The following LPP variants were observed in gnomAD, a reference collection of about 807,000 sequenced individuals.
The protein encoded by LPP is lipoma-preferred partner.
Under a neutral mutation model 60.4 loss-of-function variants are expected in LPP, and 38 were observed. The observed-to-expected ratio is 0.63, with a 90% confidence interval of 0.49 to 0.83. The LOEUF (loss-of-function observed/expected upper bound fraction) is 0.83. LPP is among the 40% of genes least tolerant of loss of function. LPP has a pLI of 0.00. For missense variants in LPP, 902 were observed against 783.6 expected, an observed-to-expected ratio of 1.15 and a Z score of -1.80; for synonymous variants, 328 against 290.8, an observed-to-expected ratio of 1.13 and a Z score of -1.30.
intron 8 of LPP, among the ~76,000 whole-genome samples, chr3:188,754,486 T>C (rs1264812077): frequency 6.6e-6 from 1 of 152,190 alleles, no homozygotes; most frequent in Non-Finnish European, 1.5e-5. Flanking sequence ...GTTTGGGCGA[T>C]ACTTGTCAGC....
intron 5 of LPP, among the ~76,000 whole-genome samples, chr3:188,490,774 G>C (rs1304758402): frequency 5.8e-5 from 1 of 17,378 alleles, no homozygotes; most frequent in Non-Finnish European, 3.9e-4. Context: ...TTTTTTTTTG[G>C]GACAGAGTCT....
chr3:188,481,017 A>T (rs1256874235), intron 4 of LPP, among the ~76,000 whole-genome samples: 3 of 152,216 alleles, frequency 2.0e-5, no homozygotes, highest in Admixed American at 6.5e-5. Flanking sequence ...CTTAAACATG[A>T]TAATTCTGCC....
chr3:188,563,550 G>T lies in LPP; in HGVS notation c.429+38763G>T, dbSNP rs1226175586. 2.7e-5 allele frequency among the ~76,000 whole-genome samples: 4 copies of T among 149,046 alleles called. No homozygotes were observed. The East Asian group carries it at 7.9e-4, about 29-fold the overall frequency. On this transcript the variant is annotated intron_variant, in intron 6 of 11. Transcript: ENST00000617246. ...CTTTTCATGTCAGTAAAAAGGATTT[G>T]CCATACTATTTTTAATTCTGTATAG...
chr3:188,433,397 T>C (rs1791440629), intron 4 of LPP, among the ~76,000 whole-genome samples: 1 of 152,064 alleles, frequency 6.6e-6, no homozygotes, highest in African/African-American at 2.4e-5. Flanking sequence ...GGATGTTGTC[T>C]GCATGCCGTC....
At chr3:188,834,562 C>G (rs1757942806) in intron 9 of LPP, among the ~76,000 whole-genome samples, 1 of 151,948 alleles carries the variant, frequency 6.6e-6, no homozygotes, top group African/African-American at 2.4e-5. Context: ...CACAACACAC[C>G]AGTGAAAATT....
intron 4 of LPP, among the ~76,000 whole-genome samples, chr3:188,422,912 TTTGTGTGTGTGTGTG>T (rs1263844703): frequency 2.0e-4 from 27 of 135,670 alleles, no homozygotes; most frequent in Admixed American, 1.0e-3. Context: ...TGGTGTCTTC[TTTGTGTGTGTGTGTG>T]TGTGTGTGTG....
Position 188,641,235 on chromosome 3 carries a change from T to C in LPP, c.1113+31391T>C, listed in dbSNP as rs1403865876. 2.6e-5 allele frequency among the ~76,000 whole-genome samples: 4 copies of C among 152,210 alleles called. No homozygotes were observed. The East Asian group carries it at 7.7e-4, about 29-fold the overall frequency. On this transcript the variant is annotated intron_variant, in intron 7 of 11. Transcript: ENST00000617246. ...CTGTTTTTGAATAAACATAATCATA[T>C]TCCACAGTCAATTATCTCCAAAGTA...
chr3:188,855,326 GC>G lies in LPP; in HGVS notation c.1411-10873del, dbSNP rs1483996865. ...TGCCTGTTATGTCTTAAGCGCTGCC[GC>G]AGAGGCTGCAAATGCAGTAGTGTCT... is the stretch of plus-strand genomic sequence containing the variant. On this transcript the variant is annotated intron_variant, in intron 9 of 11. Transcript: ENST00000617246. 9.2e-5 allele frequency among the ~76,000 whole-genome samples: 14 copies of G among 152,274 alleles called. No homozygotes were observed. The East Asian group carries it at 2.3e-3, about 25-fold the overall frequency.
chr3:188,318,884 A>G lies in LPP; in HGVS notation c.-66-22779A>G, dbSNP rs550334184. Reference sequence around the variant, plus strand: ...CGCCATTCTCCTGCCTCAGCCTCCCAAGTAGCTGGGACTACAGGCGCGCGC... The same window carrying G: ...CGCCATTCTCCTGCCTCAGCCTCCCGAGTAGCTGGGACTACAGGCGCGCGC... On this transcript the variant is annotated intron_variant, in intron 2 of 11. Coordinates refer to ENST00000617246, the MANE Select transcript of LPP (RefSeq NM_001375462.1). 4.2e-4 allele frequency among the ~76,000 whole-genome samples: 62 copies of G among 146,016 alleles called. 1 individual carries two copies. Among genetic ancestry groups the G allele is most frequent in the East Asian group, 2.4e-3 (12 of 4,904 alleles).
chr3:188,844,367 C>T (rs1760914609), intron 9 of LPP, among the ~76,000 whole-genome samples: 2 of 152,220 alleles, frequency 1.3e-5, no homozygotes, highest in African/African-American at 4.8e-5. Flanking sequence ...CTCTCCTCCT[C>T]TTTACAATAC....
chr3:188,328,780 A>C (rs1180831413), intron 2 of LPP, among the ~76,000 whole-genome samples: 1 of 152,236 alleles, frequency 6.6e-6, no homozygotes, highest in Non-Finnish European at 1.5e-5. Flanking sequence ...AAAGATGTGT[A>C]CTCAAGAATA....
chr3:188,558,960 T>G (rs1030623718), intron 6 of LPP, among the ~76,000 whole-genome samples: 3 of 152,146 alleles, frequency 2.0e-5, no homozygotes, highest in African/African-American at 7.2e-5. Flanking sequence ...GATCTTGACT[T>G]TTTTGTATCA....
chr3:188,713,870 A>G (rs1011652693), intron 8 of LPP, among the ~76,000 whole-genome samples: 2 of 152,214 alleles, frequency 1.3e-5, no homozygotes, highest in Admixed American at 1.3e-4. Context: ...TAATGACTAC[A>G]GTGGGTCTTT....
At position 188,517,970 on chromosome 3, in the gene LPP, T is replaced by A. The variant is rs908990369; in HGVS notation, c.307-6695T>A. Among the ~76,000 whole-genome samples the A allele has an allele frequency of 5.3e-5, 8 of 152,224 alleles. No homozygotes were observed. The East Asian group carries it at 1.5e-3, about 29-fold the overall frequency. On this transcript the variant is annotated intron_variant, in intron 5 of 11. Transcript: ENST00000617246. ...GTTTAAAAGAGTATAGCACCTCTCC[T>A]CGCTCTCTCTTCCGCTCTCTCTCAC... is the stretch of plus-strand genomic sequence containing the variant.
At chr3:188,427,707 A>T (rs6807597) in intron 4 of LPP, among the ~76,000 whole-genome samples, 1 of 151,832 alleles carries the variant, frequency 6.6e-6, no homozygotes, top group Admixed American at 6.6e-5. Flanking sequence ...CTTTGTTTAC[A>T]CTGTGATGGG....
At position 188,862,947 on chromosome 3, in the gene LPP, ATCT is replaced by A. The variant is rs533175631; in HGVS notation, c.1411-3251_1411-3249del. The stretch of plus-strand genomic sequence containing the variant: ...AATCCAATATTTGTATGAAGCGTGC[ATCT>A]TTTTGTCTGGCTTTAAAATAATCAT... On this transcript the variant is annotated intron_variant, in intron 9 of 11. Transcript: ENST00000617246. 1.2e-4 allele frequency among the ~76,000 whole-genome samples: 19 copies of A among 152,130 alleles called. No homozygotes were observed. The South Asian group carries it at 3.5e-3, about 28-fold the overall frequency.
intron 2 of LPP, among the ~76,000 whole-genome samples, chr3:188,279,663 A>G (rs924017335): frequency 1.3e-5 from 2 of 152,246 alleles, no homozygotes; most frequent in East Asian, 3.8e-4. Flanking sequence ...TGTTGTAGAA[A>G]GTAATTAGCA....
At chr3:188,552,332 C>A (rs984196307) in intron 6 of LPP, among the ~76,000 whole-genome samples, 1 of 152,092 alleles carries the variant, frequency 6.6e-6, no homozygotes, top group African/African-American at 2.4e-5. Context: ...ATTTAACTGT[C>A]ATCTGGAAAA....
At chr3:188,467,985 A>T (rs1047716762) in intron 4 of LPP, among the ~76,000 whole-genome samples, 8 of 152,204 alleles carry the variant, frequency 5.3e-5, no homozygotes, top group African/African-American at 1.9e-4. Flanking sequence ...GAATACACAC[A>T]ATATCATGTT....
Sources: gnomAD v4.1 joint callset for allele counts (sites outside exome capture counted in the v4.1 genomes callset) on GRCh38, gnomAD v4.1.1 for gene constraint, MANE v1.5 for transcripts, NCBI Gene and HGNC (gene_info 2026-07-23, HGNC 2026-07-21) for gene names.